The following LINGO2 variants were observed in gnomAD, a reference collection of about 807,000 sequenced individuals.
The protein encoded by LINGO2 is leucine rich repeat and Ig domain containing 2, also known as leucine-rich repeat and immunoglobulin-like domain-containing nogo receptor-interacting protein 2.
In LINGO2, 14 loss-of-function variants were observed where a neutral mutation model predicts 30.6. That is an observed-to-expected ratio of 0.46 (90% CI 0.30 to 0.72). The LOEUF (loss-of-function observed/expected upper bound fraction) is 0.72. Ranked by LOEUF, LINGO2 falls within the 30% of genes least tolerant of loss-of-function variation. The pLI is 0.07. For synonymous variants in LINGO2, 317 were observed against 288.5 expected (o/e 1.10, Z -1.00); for missense variants, 729 against 751.7 (o/e 0.97, Z 0.35).
chr9:27,975,904 T>C (rs956785109), intron 5 of LINGO2, among the ~76,000 whole-genome samples: 3 of 152,238 alleles, frequency 2.0e-5, no homozygotes, highest in East Asian at 3.9e-4. Flanking sequence ...GATAGTTGCA[T>C]AGTAAAGAAA....
intron 4 of LINGO2, among the ~76,000 whole-genome samples, chr9:28,132,467 C>G (rs1827404633): frequency 6.6e-6 from 1 of 152,170 alleles, no homozygotes; most frequent in African/African-American, 2.4e-5. Context: ...AGGGCAGATA[C>G]CAGGAGTTAT....
At chr9:28,079,233 A>ACTCAG (rs1825708924) in intron 4 of LINGO2, among the ~76,000 whole-genome samples, 1 of 152,204 alleles carries the variant, frequency 6.6e-6, no homozygotes, top group African/African-American at 2.4e-5. Flanking sequence ...GCACTTGAAT[A>ACTCAG]TAAACATGAT....
Position 28,360,539 on chromosome 9 carries a change from G to A in LINGO2, c.-246+12297C>T, listed in dbSNP as rs145768645. ...GCTGCTCTAAAACTCCTTTCTGCAT[G>A]ATCTTAAAAGCCCAGTGCCCTCCAC... On this transcript the variant is annotated intron_variant, in intron 3 of 5. Transcript: ENST00000379992. Among the ~76,000 whole-genome samples the A allele has an allele frequency of 3.4e-3, 515 of 152,160 alleles. 4 individuals are homozygous for A. The highest frequency in any genetic ancestry group is 5.2e-3 in the Non-Finnish European group (355 of 68,006).
chr9:28,010,136 G>A (rs10812722), intron 5 of LINGO2, among the ~76,000 whole-genome samples: 108,343 of 152,116 alleles, frequency 0.71, 39,354 homozygotes, highest in East Asian at 0.82. Context: ...AAAAGATCAC[G>A]TATTACATGA....
At chr9:29,076,527 G>T in the LINGO2 span, among the ~76,000 whole-genome samples, 1 of 150,038 alleles carries the variant, frequency 6.7e-6, no homozygotes, top group Non-Finnish European at 1.5e-5. Context: ...TATGGTATAG[G>T]CAGAGTGGTT....
intron 2 of LINGO2, among the ~76,000 whole-genome samples, chr9:28,433,117 T>A (rs755980622): frequency 6.6e-6 from 1 of 152,092 alleles, no homozygotes; most frequent in Non-Finnish European, 1.5e-5. Flanking sequence ...TAAAAAGCAG[T>A]GGATTATAAA....
At chr9:29,034,969 TCAGGAA>T in the LINGO2 span, among the ~76,000 whole-genome samples, 2 of 152,262 alleles carry the variant, frequency 1.3e-5, no homozygotes, top group East Asian at 3.9e-4. Context: ...ATATAAAATG[TCAGGAA>T]TCATACGCCT....
At chr9:28,370,562 A>G (rs1820855130) in intron 3 of LINGO2, among the ~76,000 whole-genome samples, 1 of 152,220 alleles carries the variant, frequency 6.6e-6, no homozygotes, top group African/African-American at 2.4e-5. Flanking sequence ...AAATACAGAG[A>G]AATGATAGCC....
chr9:28,042,645 AAAAATTC>A (rs1824245452), intron 4 of LINGO2, among the ~76,000 whole-genome samples: 1 of 152,118 alleles, frequency 6.6e-6, no homozygotes, highest in Non-Finnish European at 1.5e-5. Flanking sequence ...TGTCTTATGG[AAAAATTC>A]ATATATTCAA....
chr9:28,504,730 G>A (rs1299912387), intron 1 of LINGO2, among the ~76,000 whole-genome samples: 1 of 151,630 alleles, frequency 6.6e-6, no homozygotes, highest in African/African-American at 2.4e-5. Context: ...GTCATTGTAG[G>A]AAAAATATGT....
At chr9:28,101,569 A>G (rs774494341) in intron 4 of LINGO2, among the ~76,000 whole-genome samples, 10 of 152,174 alleles carry the variant, frequency 6.6e-5, no homozygotes, top group Non-Finnish European at 1.2e-4. Context: ...CATCATTCCT[A>G]AATTCCTGGG....
chr9:28,940,278 T>A, the LINGO2 span, among the ~76,000 whole-genome samples: 2 of 152,110 alleles, frequency 1.3e-5, no homozygotes, highest in Admixed American at 1.3e-4. Flanking sequence ...AAAATTATGG[T>A]ACCCCACTCC....
chr9:28,101,017 C>A (rs532888131), intron 4 of LINGO2, among the ~76,000 whole-genome samples: 1 of 151,892 alleles, frequency 6.6e-6, no homozygotes, highest in East Asian at 1.9e-4. Flanking sequence ...GCAACTGCTC[C>A]TTTGAATATC....
chr9:28,612,587 C>A (rs949465101), intron 1 of LINGO2, among the ~76,000 whole-genome samples: 1 of 152,038 alleles, frequency 6.6e-6, no homozygotes, highest in South Asian at 2.1e-4. Context: ...GCTTGTAGAC[C>A]CTTTGTTTTA....
At chr9:27,963,611 A>AG (rs1320445896) in intron 5 of LINGO2, among the ~76,000 whole-genome samples, 4 of 152,066 alleles carry the variant, frequency 2.6e-5, no homozygotes, top group Non-Finnish European at 5.9e-5. Flanking sequence ...GCACAAAACA[A>AG]TAAATGGATA....
chr9:28,032,666 A>T (rs1031601069), intron 4 of LINGO2, among the ~76,000 whole-genome samples: 3 of 152,210 alleles, frequency 2.0e-5, no homozygotes, highest in African/African-American at 7.2e-5. Context: ...ATCGTCCCAG[A>T]ACTAGTTGGC....
chr9:29,193,119 A>G, the LINGO2 span, among the ~76,000 whole-genome samples: 2 of 152,192 alleles, frequency 1.3e-5, no homozygotes, highest in Non-Finnish European at 2.9e-5. Flanking sequence ...ATATGAAACT[A>G]GAATCAACAG....
chr9:28,145,444 A>T (rs1458661461), intron 4 of LINGO2, among the ~76,000 whole-genome samples: 1 of 152,220 alleles, frequency 6.6e-6, no homozygotes, highest in Non-Finnish European at 1.5e-5. Context: ...TAAGAACATC[A>T]AATTGTTTCC....
chr9:28,536,876 C>T (rs545000419), intron 1 of LINGO2, among the ~76,000 whole-genome samples: 4 of 152,082 alleles, frequency 2.6e-5, no homozygotes, highest in African/African-American at 9.6e-5. Context: ...CTTGTGACCC[C>T]CTCAAATTTG....
Sources: gnomAD v4.1 joint callset for allele counts (sites outside exome capture counted in the v4.1 genomes callset) on GRCh38, gnomAD v4.1.1 for gene constraint, MANE v1.5 for transcripts, NCBI Gene and HGNC (gene_info 2026-07-23, HGNC 2026-07-21) for gene names.